LRBA: variants seen among roughly 807,000 people sequenced by gnomAD.
The protein encoded by LRBA is lipopolysaccharide-responsive and beige-like anchor protein.
LRBA carries 176 observed loss-of-function variants against 330.0 expected under a neutral mutation model. That is an observed-to-expected ratio of 0.53 (90% confidence interval 0.47 to 0.60). The LOEUF (loss-of-function observed/expected upper bound fraction) is 0.60, where lower values mean the gene tolerates loss of function less well. LRBA is among the 20% of genes least tolerant of loss of function. The probability of loss-of-function intolerance (pLI) is 0.00; values close to 1 mark genes in which losing one functional copy is unlikely to be tolerated. For missense variants in LRBA, 3,259 were observed against 3,444.8 expected (o/e 0.95, Z 1.35); for synonymous variants, 1,230 against 1,193.0 (o/e 1.03, Z -0.64).
At chr4:150,777,003 A>G (rs1056126903) in intron 34 of LRBA, among the ~76,000 whole-genome samples, 12 of 152,326 alleles carry the variant, frequency 7.9e-5, no homozygotes, top group East Asian at 3.9e-4. Context: ...ATGAAAATAC[A>G]AAAGTATTAT....
intron 37 of LRBA, among the ~76,000 whole-genome samples, chr4:150,608,203 C>G (rs1447775195): frequency 1.3e-5 from 2 of 151,990 alleles, no homozygotes; most frequent in African/African-American, 4.8e-5. Flanking sequence ...AGAGTGAGAT[C>G]CTGTCTCAAA....
Position 150,928,566 on chromosome 4 carries a change from G to C in LRBA, c.499C>G (p.Arg167Gly), listed in dbSNP as rs371936024. The C allele has an allele frequency of 3.7e-6, 6 of 1,613,734 alleles. No individual in the cohort carries two copies. In the East Asian group the frequency reaches 6.7e-5, roughly 18 times the overall value. Residue 167 changes from arginine (R) to glycine (G), a missense_variant, in exon 4 of 57, where the codon CGC becomes GGC. Transcript: ENST00000651943. ...TTACTGAAGAAAAGCTTTAGCTCGC[G>C]AACTGTCAAATTATAGCTAGCCAGC... ...GVLASYNLTV[R>G]ELKLFFSKLQ...
chr4:150,733,763 T>C (rs1730821730), intron 36 of LRBA, among the ~76,000 whole-genome samples: 1 of 152,192 alleles, frequency 6.6e-6, no homozygotes, highest in Non-Finnish European at 1.5e-5. Context: ...ACTGTATTTC[T>C]GATTTCCATT....
intron 40 of LRBA, among the ~76,000 whole-genome samples, chr4:150,573,573 C>T (rs567163278): frequency 6.6e-6 from 1 of 152,218 alleles, no homozygotes; most frequent in South Asian, 2.1e-4. Flanking sequence ...ACAATTAGAT[C>T]TCAATATGCT....
chr4:150,788,280 G>C (rs1739379190), intron 34 of LRBA, among the ~76,000 whole-genome samples: 1 of 122,368 alleles, frequency 8.2e-6, no homozygotes, highest in South Asian at 2.8e-4. Context: ...GGTATTTTTA[G>C]TAGAGATAGG....
chr4:150,550,747 G>GATGTTA (rs1766482428), intron 40 of LRBA, among the ~76,000 whole-genome samples: 1 of 152,172 alleles, frequency 6.6e-6, no homozygotes, highest in Admixed American at 6.5e-5. Context: ...ATAAATCACT[G>GATGTTA]TTTTTAGGCC....
intron 46 of LRBA, chr4:150,423,013 C>T: frequency 2.6e-6 from 2 of 784,214 alleles, no homozygotes; most frequent in Admixed American, 1.7e-5. Context: ...CTGAGCCTGG[C>T]CTAGAGCTTC....
chr4:150,554,460 A>G (rs1767027747), intron 40 of LRBA, among the ~76,000 whole-genome samples: 1 of 152,190 alleles, frequency 6.6e-6, no homozygotes, highest in Non-Finnish European at 1.5e-5. Flanking sequence ...ATTAGGCCAT[A>G]AGGAATATCT....
intron 40 of LRBA, among the ~76,000 whole-genome samples, chr4:150,499,584 A>T (rs994661130): frequency 2.0e-5 from 3 of 151,580 alleles, no homozygotes; most frequent in African/African-American, 7.3e-5. Flanking sequence ...TTGAGGCTGC[A>T]GTGAGCTATG....
At chr4:150,763,137 T>C (rs1735319404) in intron 34 of LRBA, among the ~76,000 whole-genome samples, 1 of 151,918 alleles carries the variant, frequency 6.6e-6, no homozygotes, top group Non-Finnish European at 1.5e-5. Flanking sequence ...AAAAATTAAA[T>C]AGAAAATCAG....
At chr4:150,512,723 A>G (rs1333163435) in intron 40 of LRBA, among the ~76,000 whole-genome samples, 1 of 150,378 alleles carries the variant, frequency 6.6e-6, no homozygotes, top group East Asian at 1.9e-4. Flanking sequence ...TTGAGAAAAA[A>G]AAAAAAAAAA....
chr4:150,948,641 A>C (rs964222705), intron 2 of LRBA, among the ~76,000 whole-genome samples: 1 of 152,058 alleles, frequency 6.6e-6, no homozygotes, highest in Admixed American at 6.6e-5. Flanking sequence ...GCTCACCAAA[A>C]AACCTTTTCA....
intron 40 of LRBA, among the ~76,000 whole-genome samples, chr4:150,530,372 T>C (rs1468358967): frequency 6.6e-6 from 1 of 152,156 alleles, no homozygotes; most frequent in Non-Finnish European, 1.5e-5. Context: ...AAGACTATCA[T>C]AGTAGACATT....
intron 2 of LRBA, among the ~76,000 whole-genome samples, chr4:150,983,896 T>C (rs1741140400): frequency 6.6e-6 from 1 of 152,106 alleles, no homozygotes; most frequent in Non-Finnish European, 1.5e-5. Context: ...CTACCAGAAA[T>C]ACTTCTGGGA....
intron 2 of LRBA, among the ~76,000 whole-genome samples, chr4:150,982,464 A>T (rs945908310): frequency 6.6e-6 from 1 of 152,182 alleles, no homozygotes; most frequent in Non-Finnish European, 1.5e-5. Flanking sequence ...ACAAAAGGAA[A>T]CAATGTAAGG....
At chr4:150,647,820 C>T (rs761320634) in intron 37 of LRBA, among the ~76,000 whole-genome samples, 4 of 151,848 alleles carry the variant, frequency 2.6e-5, no homozygotes, top group African/African-American at 7.3e-5. Context: ...CCTCCATAAT[C>T]GAGATATTTA....
rs763554353 is a variant in LRBA, at chr4:150,730,937, G to A, written c.5754+4321C>T. Among the ~76,000 whole-genome samples the A allele has an allele frequency of 3.4e-4, 52 of 152,102 alleles. 1 individual carries two copies. Among genetic ancestry groups the A allele is most frequent in the Non-Finnish European group, 6.8e-4 (46 of 68,010 alleles). On this transcript the variant is annotated intron_variant, in intron 36 of 56. Coordinates refer to ENST00000651943, the MANE Select transcript of LRBA (RefSeq NM_001364905.1). ...GGTGGCTGAGTCATGAGAATCGCCTGAACCAGGGCAGTGGAGGTTGCAGTG... is the reference window on the plus strand; with the variant it reads ...GGTGGCTGAGTCATGAGAATCGCCTAAACCAGGGCAGTGGAGGTTGCAGTG...
chr4:150,423,253 AG>A, intron 46 of LRBA: 1 of 1,126,724 alleles, frequency 8.9e-7, no homozygotes, highest in South Asian at 1.4e-5. Context: ...GCTGACACGC[AG>A]CCGCCTCCCA....
In LRBA at chr4:150,594,921, G is replaced by T. The variant is rs1773320647; in HGVS notation, c.6047-4062C>A. On this transcript the variant is annotated intron_variant, in intron 38 of 56. Coordinates refer to ENST00000651943, the MANE Select transcript of LRBA (RefSeq NM_001364905.1). Reference sequence around the variant, plus strand: ...ACACAACAAAAACTGTTCCACCTTTGATATAAATCCTTTTTAACATCTACT... The same window carrying T: ...ACACAACAAAAACTGTTCCACCTTTTATATAAATCCTTTTTAACATCTACT... Among the ~76,000 whole-genome samples the T allele has an allele frequency of 3.9e-5, 6 of 151,906 alleles. No individual in the cohort carries two copies. In the South Asian group the frequency reaches 1.2e-3, roughly 31 times the overall value.
Sources: allele counts gnomAD v4.1 joint callset (sites outside exome capture counted in the v4.1 genomes callset), GRCh38; gene constraint gnomAD v4.1.1; transcripts MANE v1.5; gene names NCBI Gene and HGNC (gene_info 2026-07-23, HGNC 2026-07-21).